TPTE: variants seen among roughly 807,000 people sequenced by gnomAD.
The protein encoded by TPTE is transmembrane phosphatase with tensin homology.
Under a neutral mutation model 84.1 loss-of-function variants are expected in TPTE, and 59 were observed. The ratio of observed to expected loss-of-function variants is 0.70; its 90% CI spans 0.57 to 0.87. The LOEUF (loss-of-function observed/expected upper bound fraction) is 0.87, where lower values mean the gene tolerates loss of function less well. Among genes scored for constraint, TPTE ranks in the 40% least tolerant of loss-of-function variants. The pLI, the probability that TPTE is intolerant of heterozygous loss-of-function variation, is 0.00. For synonymous variants in TPTE, 130 were observed against 223.5 expected, an observed-to-expected ratio of 0.58 and a Z score of 3.73; for missense variants, 382 against 659.6, an observed-to-expected ratio of 0.58 and a Z score of 4.61.
At chr21:10,595,352 T>C (rs2075562115) in intron 19 of TPTE, among the ~76,000 whole-genome samples, 1 of 152,310 alleles carries the variant, frequency 6.6e-6, no homozygotes, top group Non-Finnish European at 1.5e-5. Context: ...AACTTTTGAA[T>C]TCTGAACCAG....
chr21:10,556,789 C>A (rs1255996179), intron 8 of TPTE, among the ~76,000 whole-genome samples: 2 of 152,302 alleles, frequency 1.3e-5, no homozygotes, highest in African/African-American at 4.8e-5. Context: ...TCTCTGATGG[C>A]CAGTGATGAT....
chr21:10,533,143 A>G (rs539275877), intron 3 of TPTE, among the ~76,000 whole-genome samples: 3 of 152,416 alleles, frequency 2.0e-5, no homozygotes, highest in Admixed American at 2.0e-4. Context: ...TGTTCTCTTT[A>G]TTCTTTTCTA....
intron 3 of TPTE, among the ~76,000 whole-genome samples, chr21:10,535,826 G>T (rs933075811): frequency 1.3e-5 from 2 of 152,306 alleles, no homozygotes; most frequent in African/African-American, 4.8e-5. Context: ...ATTTTGTAGG[G>T]AGTTCCTGAC....
rs1421544267 is a variant in TPTE, at chr21:10,605,485, A to G, written c.1589A>G (p.Asp530Gly). The stretch of plus-strand genomic sequence containing the variant: ...AAAGCACGGAGAATTTATCCATCAG[A>G]TTTTGCCGTGGAGATACTTTTTGGC... The part of the protein sequence containing the change: ...KQKARRIYPS[D>G]FAVEILFGEK... Residue 530 changes from aspartate to glycine, a missense_variant, in exon 24 of 24, where the codon GAT becomes GGT. Transcript: ENST00000618007. 6.2e-7 allele frequency: 1 copy of G among 1,614,234 alleles called. No homozygotes were observed. Among genetic ancestry groups the G allele is most frequent in the South Asian group, 1.1e-5 (1 of 91,086 alleles).
intron 5 of TPTE, among the ~76,000 whole-genome samples, 158 bp from the exon 6 acceptor site, chr21:10,542,237 A>G (rs1323505811): frequency 6.6e-6 from 1 of 152,308 alleles, no homozygotes; most frequent in Non-Finnish European, 1.5e-5. Flanking sequence ...CCTCATTGCT[A>G]ATAAAGAGGA....
chr21:10,564,370 T>C (rs1373560481), intron 10 of TPTE, among the ~76,000 whole-genome samples: 1 of 152,296 alleles, frequency 6.6e-6, no homozygotes, highest in African/African-American at 2.4e-5. Flanking sequence ...ATTAGCTGGG[T>C]GTGGTGCCGG....
chr21:10,558,754 T>C (rs1176701791), intron 8 of TPTE, among the ~76,000 whole-genome samples: 1 of 150,126 alleles, frequency 6.7e-6, no homozygotes, highest in Non-Finnish European at 1.5e-5. Context: ...AAGCCTCCTG[T>C]GTTGGAGGCT....
chr21:10,539,280 T>C (rs1159656060), intron 4 of TPTE, among the ~76,000 whole-genome samples: 20 of 152,294 alleles, frequency 1.3e-4, no homozygotes, highest in Admixed American at 1.3e-4. Flanking sequence ...CATGGACTTG[T>C]CCCTCACACT....
intron 20 of TPTE, among the ~76,000 whole-genome samples, chr21:10,596,991 A>T (rs2075600416): frequency 6.6e-6 from 1 of 152,312 alleles, no homozygotes; most frequent in Admixed American, 6.5e-5. Context: ...AGCATATGAG[A>T]TGAACAAAGA....
intron 14 of TPTE, among the ~76,000 whole-genome samples, chr21:10,575,571 G>C (rs1397019092): frequency 6.6e-6 from 1 of 152,310 alleles, no homozygotes; most frequent in Non-Finnish European, 1.5e-5. Flanking sequence ...GGGTGAGAAT[G>C]CCCAACAGGG....
intron 1 of TPTE, among the ~76,000 whole-genome samples, chr21:10,522,065 G>T (rs1200925620): frequency 6.6e-6 from 1 of 151,768 alleles, no homozygotes; most frequent in African/African-American, 2.4e-5. Context: ...CGCGCCCCCC[G>T]CCCGCGCCAG....
chr21:10,597,169 A>G (rs528258408), intron 20 of TPTE, among the ~76,000 whole-genome samples: 1 of 152,416 alleles, frequency 6.6e-6, no homozygotes, highest in East Asian at 1.9e-4. Context: ...TTCAATTTGG[A>G]AAAAAAGGAA....
intron 1 of TPTE, among the ~76,000 whole-genome samples, chr21:10,522,756 T>C (rs1250889164): frequency 3.3e-5 from 5 of 152,308 alleles, no homozygotes; most frequent in Non-Finnish European, 7.3e-5. Context: ...ACATAATAAA[T>C]TGTACATATT....
At chr21:10,602,383 A>G (rs1978655952) in intron 22 of TPTE, among the ~76,000 whole-genome samples, 1 of 152,306 alleles carries the variant, frequency 6.6e-6, no homozygotes, top group African/African-American at 2.4e-5. Flanking sequence ...TGTATTCTCA[A>G]ATACAAAAAA....
At chr21:10,545,207 GAA>G (rs1184797916) in intron 7 of TPTE, among the ~76,000 whole-genome samples, 5 of 151,878 alleles carry the variant, frequency 3.3e-5, no homozygotes, top group Non-Finnish European at 1.5e-5. Context: ...AATACGGAGA[GAA>G]AGAAGAGAGG....
intron 1 of TPTE, among the ~76,000 whole-genome samples, chr21:10,521,903 C>T (rs1228993295): frequency 1.3e-5 from 2 of 152,252 alleles, no homozygotes; most frequent in Non-Finnish European, 2.9e-5. Flanking sequence ...AACTCCGCGA[C>T]GCCTCCCTCC....
chr21:10,569,531 A>G lies in TPTE; in HGVS notation c.661A>G (p.Arg221Gly), dbSNP rs1243361386. Residue 221 changes from arginine (R) to glycine (G), a missense_variant, in exon 12 of 24, where the codon AGG becomes GGG. Arg to Gly is a moderately radical substitution (Grantham distance 125). Around this residue, in one of 10 missense-constraint regions of TPTE, gnomAD observed 85 missense variants for 230.9 expected, o/e 0.37. Transcript: ENST00000618007. ...QKRQLEKLIR[R>G]RVSENKRRYT... ...AAGACAACTTGAAAAGCTGATAAGA[A>G]GGCGGGTAAGTGGGCAAAACATGCT... The G allele has an allele frequency of 2.3e-4, 378 of 1,609,056 alleles. No homozygotes were observed. The African/African-American group carries it at 4.8e-3, about 21-fold the overall frequency.
chr21:10,530,287 A>T (rs1054503932), intron 3 of TPTE, among the ~76,000 whole-genome samples: 3 of 152,306 alleles, frequency 2.0e-5, no homozygotes, highest in African/African-American at 7.2e-5. Context: ...GGCCTTTTTA[A>T]TATCTAGATG....
rs764763492 is a variant in TPTE at position 10,542,366 on chromosome 21, TCTGA to T, written c.66-25_66-22del. The T allele has an allele frequency of 4.4e-5, 71 of 1,608,726 alleles. No individual in the cohort carries two copies. The African/African-American group carries it at 6.7e-4, about 15-fold the overall frequency. On this transcript the variant is annotated intron_variant, in intron 5 of 23. Coordinates refer to ENST00000618007, the MANE Select transcript of TPTE (RefSeq NM_199261.4). ...TATAAATTCAGAATTATGTCTCCTCTCTGACTGTTTTCTCTTATCATCCACTAGT... is the reference window on the plus strand; with the variant it reads ...TATAAATTCAGAATTATGTCTCCTCTCTGTTTTCTCTTATCATCCACTAGT...
Sources: allele counts gnomAD v4.1 joint callset (sites outside exome capture counted in the v4.1 genomes callset), GRCh38; gene constraint gnomAD v4.1.1; regional missense constraint gnomAD v4.1.1; transcripts MANE v1.5; gene names NCBI Gene and HGNC (gene_info 2026-07-23, HGNC 2026-07-21).